Variants in PRDM11 observed in about 807,000 individuals in gnomAD.
PRDM11 encodes the protein PR domain-containing protein 11.
In PRDM11, 20 loss-of-function variants were observed where a neutral mutation model predicts 97.8. The ratio of observed to expected loss-of-function variants is 0.20; its 90% CI spans 0.14 to 0.30. PRDM11 has a LOEUF of 0.30. Ranked by LOEUF, PRDM11 falls within the 10% of genes least tolerant of loss-of-function variation. The probability of loss-of-function intolerance (pLI) is 1.00; values close to 1 mark genes in which losing one functional copy is unlikely to be tolerated. For missense variants in PRDM11, 1,139 were observed against 1,555.2 expected, an observed-to-expected ratio of 0.73 and a Z score of 4.50; for synonymous variants, 599 against 637.7, an observed-to-expected ratio of 0.94 and a Z score of 0.91.
At chr11:45,160,774 C>T (rs1462477219) in intron 1 of PRDM11, among the ~76,000 whole-genome samples, 1 of 152,210 alleles carries the variant, frequency 6.6e-6, no homozygotes, top group African/African-American at 2.4e-5. Context: ...TGTTTAAAAT[C>T]TGTCTGTTGA....
chr11:45,197,286 C>G (rs1034420535), intron 4 of PRDM11, among the ~76,000 whole-genome samples: 1 of 152,102 alleles, frequency 6.6e-6, no homozygotes, highest in Non-Finnish European at 1.5e-5. Flanking sequence ...TAGGAGGAAT[C>G]TGAAATAGTC....
At chr11:45,177,285 T>C (rs1352725598) in intron 1 of PRDM11, among the ~76,000 whole-genome samples, 1 of 152,242 alleles carries the variant, frequency 6.6e-6, no homozygotes, top group Non-Finnish European at 1.5e-5. Context: ...AATCTCTGCA[T>C]GTGCAGACTT....
chr11:45,225,371 A>G (rs1445547703), intron 7 of PRDM11, among the ~76,000 whole-genome samples: 1 of 152,148 alleles, frequency 6.6e-6, no homozygotes, highest in Non-Finnish European at 1.5e-5. Flanking sequence ...GCTTTGCCCT[A>G]TTCTGTTGGC....
intron 1 of PRDM11, among the ~76,000 whole-genome samples, chr11:45,125,911 T>C (rs574911825): frequency 1.3e-4 from 20 of 152,238 alleles, no homozygotes; most frequent in African/African-American, 4.8e-4. Context: ...CTTTCTGTCT[T>C]GTTGATCTGT....
At position 45,211,444 on chromosome 11, in the gene PRDM11, C is replaced by T. The variant is rs565407458; in HGVS notation, c.554+6666C>T. On this transcript the variant is annotated intron_variant, in intron 5 of 7. Transcript: ENST00000683152. ...CCTGCCACAGGGATCAGCCCATACC[C>T]TTGGTCACCAGAAAGCAGGACCCAC... is the stretch of plus-strand genomic sequence containing the variant. Among the ~76,000 whole-genome samples the T allele has an allele frequency of 1.5e-4, 23 of 152,314 alleles. No individual in the cohort carries two copies. In the East Asian group the frequency reaches 3.9e-3, roughly 26 times the overall value.
intron 1 of PRDM11, among the ~76,000 whole-genome samples, chr11:45,165,653 G>A (rs1324258945): frequency 6.6e-6 from 1 of 152,246 alleles, no homozygotes; most frequent in Non-Finnish European, 1.5e-5. Context: ...GACTGCCCGC[G>A]TGGTGTTGCC....
At chr11:45,188,034 C>T (rs1449139987) in intron 4 of PRDM11, among the ~76,000 whole-genome samples, 1 of 152,028 alleles carries the variant, frequency 6.6e-6, no homozygotes, top group African/African-American at 2.4e-5. Flanking sequence ...AGTCCTGTCC[C>T]AAAGCCATAC....
chr11:45,197,316 G>A (rs2135778385), intron 4 of PRDM11, among the ~76,000 whole-genome samples: 1 of 152,284 alleles, frequency 6.6e-6, no homozygotes, highest in Middle Eastern at 3.4e-3. Flanking sequence ...GAGACAGAGA[G>A]TAGAATGGTG....
At chr11:45,195,510 T>C (rs1297713542) in intron 4 of PRDM11, among the ~76,000 whole-genome samples, 1 of 152,180 alleles carries the variant, frequency 6.6e-6, no homozygotes, top group Non-Finnish European at 1.5e-5. Flanking sequence ...TTCACTTCGC[T>C]TCATGTTTTC....
chr11:45,194,836 G>T (rs1306541794), intron 4 of PRDM11, among the ~76,000 whole-genome samples: 3 of 151,650 alleles, frequency 2.0e-5, no homozygotes, highest in African/African-American at 7.3e-5. Context: ...CTGACCTCGT[G>T]ATCCGCCCGC....
chr11:45,150,682 G>A (rs906493074), intron 1 of PRDM11, among the ~76,000 whole-genome samples: 1 of 152,212 alleles, frequency 6.6e-6, no homozygotes, highest in Non-Finnish European at 1.5e-5. Flanking sequence ...TTCCAGGAAA[G>A]CAAGAGGATG....
intron 5 of PRDM11, among the ~76,000 whole-genome samples, chr11:45,216,979 GA>G (rs1197518210): frequency 2.6e-5 from 4 of 151,972 alleles, no homozygotes; most frequent in African/African-American, 9.6e-5. Context: ...GAAACTGGAA[GA>G]AAAAAAGGAG....
intron 1 of PRDM11, among the ~76,000 whole-genome samples, chr11:45,175,911 A>T (rs1852316007): frequency 6.6e-6 from 1 of 152,190 alleles, no homozygotes; most frequent in African/African-American, 2.4e-5. Context: ...TTGAGTATTA[A>T]TGTCTTCATG....
intron 4 of PRDM11, among the ~76,000 whole-genome samples, chr11:45,191,944 T>C (rs151139486): frequency 2.2e-4 from 34 of 152,248 alleles, no homozygotes; most frequent in African/African-American, 7.2e-4. Context: ...ACCCGTCATC[T>C]AGGTTTTAAG....
intron 4 of PRDM11, among the ~76,000 whole-genome samples, chr11:45,185,659 G>A (rs1327157479): frequency 1.3e-5 from 2 of 152,172 alleles, no homozygotes; most frequent in Non-Finnish European, 2.9e-5. Flanking sequence ...GGACAAAAAA[G>A]GGGGTGGATC....
chr11:45,209,659 C>G (rs564069904), intron 5 of PRDM11, among the ~76,000 whole-genome samples: 1 of 152,238 alleles, frequency 6.6e-6, no homozygotes, highest in Admixed American at 6.5e-5. Context: ...CAGGAGGTCC[C>G]GAGAGCAGGG....
rs191778040 is a variant in PRDM11, at chr11:45,157,045, T to C, written c.-7+10168T>C. 4.2e-3 allele frequency among the ~76,000 whole-genome samples: 621 copies of C among 149,404 alleles called. 7 individuals carry two copies. Among genetic ancestry groups the C allele is most frequent in the African/African-American group, 0.014 (573 of 40,644 alleles). On this transcript the variant is annotated intron_variant, in intron 1 of 7. Coordinates refer to ENST00000683152, the MANE Select transcript of PRDM11 (RefSeq NM_001384648.1). ...GTGTGAAGGAATTGAGACTTTGCCC[T>C]GGAGGCACGGGGGAGCTGTCGGTGG...
At chr11:45,158,052 C>G (rs1851843586) in intron 1 of PRDM11, among the ~76,000 whole-genome samples, 1 of 152,200 alleles carries the variant, frequency 6.6e-6, no homozygotes, top group Non-Finnish European at 1.5e-5. Context: ...AGACCTGCCT[C>G]TGTGGCCTGA....
chr11:45,208,236 G>A (rs897917295), intron 5 of PRDM11, among the ~76,000 whole-genome samples: 3 of 152,332 alleles, frequency 2.0e-5, no homozygotes, highest in Non-Finnish European at 4.4e-5. Context: ...GCAAAGGTGG[G>A]GGCTTGGAGA....
Sources: allele counts gnomAD v4.1 joint callset (sites outside exome capture counted in the v4.1 genomes callset), GRCh38; gene constraint gnomAD v4.1.1; transcripts MANE v1.5; gene names NCBI Gene and HGNC (gene_info 2026-07-23, HGNC 2026-07-21).